TSHZ3: variants seen among roughly 807,000 people sequenced by gnomAD.
TSHZ3 encodes teashirt homolog 3.
In TSHZ3, 10 loss-of-function variants were observed where a neutral mutation model predicts 64.5. The ratio of observed to expected loss-of-function variants is 0.16; its 90% CI spans 0.10 to 0.26. TSHZ3 has a LOEUF of 0.26. Ranked by LOEUF, TSHZ3 falls within the 10% of genes least tolerant of loss-of-function variation. The probability of loss-of-function intolerance (pLI) is 1.00; values close to 1 mark genes in which losing one functional copy is unlikely to be tolerated. For synonymous variants in TSHZ3, 608 were observed against 593.1 expected (o/e 1.03, Z -0.36); for missense variants, 1,242 against 1,421.7 (o/e 0.87, Z 2.03).
intron 1 of TSHZ3, 148 bp downstream of exon 1, chr19:31,349,032 C>T (rs1181184426): frequency 3.1e-6 from 3 of 977,164 alleles, no homozygotes; most frequent in East Asian, 6.4e-5. Flanking sequence ...CCGAGGCGGG[C>T]GCACGCACCC....
intron 3 of TSHZ3, among the ~76,000 whole-genome samples, chr19:31,232,470 A>C (rs887264707): frequency 2.0e-5 from 3 of 152,214 alleles, no homozygotes; most frequent in African/African-American, 7.2e-5. Flanking sequence ...TTACTTGCCC[A>C]GTATTCCCAC....
At chr19:31,271,316 G>C (rs1208322765), downstream of TSHZ3, among the ~76,000 whole-genome samples, 1 of 152,122 alleles carries the variant, frequency 6.6e-6, no homozygotes, top group Non-Finnish European at 1.5e-5. Flanking sequence ...ACAGAAAAAT[G>C]GTGCCCGTGA....
At position 31,252,336 on chromosome 19, in the gene TSHZ3, C is replaced by T. The variant is rs574456035; in HGVS notation, n.64-9461G>A. 1.2e-3 allele frequency among the ~76,000 whole-genome samples: 181 copies of T among 152,218 alleles called. 1 individual carries two copies. Among genetic ancestry groups the T allele is most frequent in the African/African-American group, 3.3e-3 (135 of 41,538 alleles). On this transcript the variant is annotated intron_variant and non_coding_transcript_variant, in intron 1 of 6. Coordinates refer to the TSHZ3 transcript ENST00000651361. ...CGGTCTCTCCCTATGCCAGCTCCCC[C>T]GTGTGTCTCTTGTAAGGACACATGT...
chr19:31,184,052 G>C (rs1974766670), intron 5 of TSHZ3, among the ~76,000 whole-genome samples: 1 of 152,048 alleles, frequency 6.6e-6, no homozygotes, highest in African/African-American at 2.4e-5. Flanking sequence ...TATTATGACC[G>C]TGATATAGTC....
intron 1 of TSHZ3, among the ~76,000 whole-genome samples, chr19:31,304,843 A>T (rs1301447146): frequency 6.6e-6 from 1 of 152,226 alleles, no homozygotes; most frequent in Non-Finnish European, 1.5e-5. Context: ...TATTTTATGC[A>T]TCTTTAACTG....
chr19:31,279,204 A>C lies in TSHZ3; in HGVS notation c.589T>G (p.Tyr197Asp), dbSNP rs374605679. Residue 197 changes from tyrosine (Y) to aspartate (D), a missense_variant, in exon 2 of 2, where the codon TAC becomes GAC. Around this residue, in one of 4 missense-constraint regions of TSHZ3, gnomAD observed 555 missense variants for 704.0 expected, o/e 0.79. Transcript: ENST00000240587. The surrounding 1 kb of genome is among the most constrained non-coding windows in gnomAD (Gnocchi z 6.4). The part of the protein sequence containing the change: ...EPSLFSTVQL[Y>D]RQSSKLYGSI... ...CCATAGAGCTTGCTGCTCTGCCGGT[A>C]CAGCTGCACGGTGCTGAAGAGGCTG... 1 of 1,613,870 alleles carries C rather than the reference A, an allele frequency of 6.2e-7. No homozygotes were observed. The highest frequency in any genetic ancestry group is 8.5e-7 in the Non-Finnish European group (1 of 1,179,902).
At chr19:31,273,600 C>T (rs1976176211), downstream of TSHZ3, among the ~76,000 whole-genome samples, 3 of 152,290 alleles carry the variant, frequency 2.0e-5, no homozygotes, top group Middle Eastern at 3.4e-3. Flanking sequence ...TCTAATAAAC[C>T]GATGCTATAT....
At chr19:31,343,775 T>TG (rs969765494) in intron 1 of TSHZ3, among the ~76,000 whole-genome samples, 7 of 32,598 alleles carry the variant, frequency 2.1e-4, no homozygotes, top group South Asian at 5.6e-3. Context: ...ACAATTCAGG[T>TG]TTTTTTTTTG....
intron 1 of TSHZ3, among the ~76,000 whole-genome samples, chr19:31,244,405 G>A (rs1425913978): frequency 2.0e-5 from 3 of 152,106 alleles, no homozygotes; most frequent in East Asian, 3.9e-4. Flanking sequence ...CATGCTTCCT[G>A]TACAGCCTGA....
At chr19:31,239,407 G>A (rs1422277276) in intron 3 of TSHZ3, among the ~76,000 whole-genome samples, 2 of 151,906 alleles carry the variant, frequency 1.3e-5, no homozygotes, top group Admixed American at 6.6e-5. Flanking sequence ...TTCATTTGCT[G>A]TTATTTCTTT....
intron 4 of TSHZ3, among the ~76,000 whole-genome samples, chr19:31,224,013 G>T (rs1369954631): frequency 2.0e-5 from 3 of 152,240 alleles, no homozygotes; most frequent in African/African-American, 7.2e-5. Context: ...TTTGGACACA[G>T]GAAGTAGAAG....
chr19:31,202,697 T>C (rs1052305958), intron 5 of TSHZ3, among the ~76,000 whole-genome samples: 2 of 152,212 alleles, frequency 1.3e-5, no homozygotes, highest in Non-Finnish European at 2.9e-5. Context: ...TAATATATGT[T>C]GCCAAATTAC....
intron 1 of TSHZ3, among the ~76,000 whole-genome samples, chr19:31,291,154 C>A (rs1218978419): frequency 2.0e-5 from 3 of 152,184 alleles, no homozygotes; most frequent in Non-Finnish European, 4.4e-5. Context: ...GGCAACGAGG[C>A]TTCCCAGAAC....
At chr19:31,177,528 C>A (rs968875585) in intron 5 of TSHZ3, among the ~76,000 whole-genome samples, 1 of 152,386 alleles carries the variant, frequency 6.6e-6, no homozygotes, top group Non-Finnish European at 1.5e-5. Flanking sequence ...CCTCTGCATG[C>A]CTTTGGGTCT....
intron 1 of TSHZ3, among the ~76,000 whole-genome samples, chr19:31,339,030 T>A (rs565281944): frequency 6.6e-6 from 1 of 152,116 alleles, no homozygotes; most frequent in East Asian, 1.9e-4. Flanking sequence ...AAATGATAAA[T>A]GGTACCCGAA....
At chr19:31,212,508 TATC>T (rs1279175433) in intron 4 of TSHZ3, among the ~76,000 whole-genome samples, 2 of 152,056 alleles carry the variant, frequency 1.3e-5, no homozygotes, top group African/African-American at 4.8e-5. Context: ...TCTCATTATG[TATC>T]ATCAGGGGAA....
At chr19:31,154,130 G>A (rs969290925) in intron 6 of TSHZ3, among the ~76,000 whole-genome samples, 1 of 152,166 alleles carries the variant, frequency 6.6e-6, no homozygotes, top group Non-Finnish European at 1.5e-5. Context: ...GGGCTTACCT[G>A]CAGGGCCCAG....
At chr19:31,321,701 G>C (rs1023693636) in intron 1 of TSHZ3, among the ~76,000 whole-genome samples, 11 of 152,124 alleles carry the variant, frequency 7.2e-5, no homozygotes, top group African/African-American at 2.7e-4. Context: ...TGAGACAGAG[G>C]GAGTGAGCCA....
At chr19:31,307,268 C>T (rs1916327168) in intron 1 of TSHZ3, among the ~76,000 whole-genome samples, 1 of 150,522 alleles carries the variant, frequency 6.6e-6, no homozygotes, top group Non-Finnish European at 1.5e-5. Context: ...GGAAAGAGTG[C>T]CATTGTACCC....
Sources: allele counts gnomAD v4.1 joint callset (sites outside exome capture counted in the v4.1 genomes callset), GRCh38; gene constraint gnomAD v4.1.1; regional missense constraint gnomAD v4.1.1; non-coding constraint Gnocchi (gnomAD v3.1); transcripts MANE v1.5; gene names NCBI Gene and HGNC (gene_info 2026-07-23, HGNC 2026-07-21).